HERC1: variants seen among roughly 807,000 people sequenced by gnomAD.
HERC1 encodes HECT and RLD domain containing E3 ubiquitin protein ligase family member 1, also known as probable E3 ubiquitin-protein ligase HERC1.
HERC1 carries 160 observed loss-of-function variants against 554.3 expected under a neutral mutation model. The ratio of observed to expected loss-of-function variants is 0.29; its 90% CI spans 0.25 to 0.33. HERC1 has a LOEUF of 0.33. Ranked by LOEUF, HERC1 falls within the 10% of genes least tolerant of loss-of-function variation. The pLI, the probability that HERC1 is intolerant of heterozygous loss-of-function variation, is 1.00. For missense variants in HERC1, 4,919 were observed against 5,918.5 expected, an observed-to-expected ratio of 0.83 and a Z score of 5.54; for synonymous variants, 2,175 against 2,131.7, an observed-to-expected ratio of 1.02 and a Z score of -0.56.
intron 7 of HERC1, among the ~76,000 whole-genome samples, chr15:63,753,986 C>G (rs2075336171): frequency 6.6e-6 from 1 of 151,922 alleles, no homozygotes; most frequent in African/African-American, 2.4e-5. Context: ...CCAGCCTGGG[C>G]AATAAAGCAA....
rs1340047794 is a variant in HERC1 at position 63,747,758 on chromosome 15, T to A, written c.2320A>T (p.Ser774Cys). Residue 774 changes from serine (S) to cysteine (C), a missense_variant, in exon 11 of 78, where the codon AGT becomes TGT. Physicochemically the swap from Ser to Cys is moderately radical, Grantham distance 112. Coordinates refer to ENST00000443617, the MANE Select transcript of HERC1 (RefSeq NM_003922.4). ...FLERYCDKIN[S>C]EIPPLPFPSS... Reference sequence around the variant, plus strand: ...GGGAAAGGGAGTGGGGGAATCTCACTGTTTATTTTATCACAGTATCTCTCA... The same window carrying A: ...GGGAAAGGGAGTGGGGGAATCTCACAGTTTATTTTATCACAGTATCTCTCA... 1 of 1,550,768 alleles carries A rather than the reference T, an allele frequency of 6.4e-7. No individual in the cohort carries two copies. Among genetic ancestry groups the A allele is most frequent in the Non-Finnish European group, 8.7e-7 (1 of 1,146,236 alleles).
chr15:63,759,821 G>T (rs980191939), intron 3 of HERC1, among the ~76,000 whole-genome samples: 1 of 152,192 alleles, frequency 6.6e-6, no homozygotes, highest in South Asian at 2.1e-4. Context: ...AGAGGATAGG[G>T]TCATCTTGGT....
Position 63,658,551 on chromosome 15 carries a change from A to G in HERC1, c.9592T>C (p.Ser3198Pro), listed in dbSNP as rs746448212. ...ACATAAAATAACACTTACCTGACTG[A>G]GAGAAGAGACAGCGCTCTCATGACC... is the stretch of plus-strand genomic sequence containing the variant. The part of the protein sequence containing the change: ...TMVMRALSLL[S>P]VSGSSCSLAA... The change falls in exon 48 of 78, where the codon TCA (serine) becomes CCA (proline). Residue 3198 changes from serine to proline, a missense_variant. This residue lies in a region of HERC1 where 1,963 missense variants were observed against 2,228.6 expected (regional missense o/e 0.88). Coordinates refer to ENST00000443617, the MANE Select transcript of HERC1 (RefSeq NM_003922.4). The G allele has an allele frequency of 6.2e-7, 1 of 1,609,890 alleles. No individual in the cohort carries two copies. Among genetic ancestry groups the G allele is most frequent in the South Asian group, 1.1e-5 (1 of 90,680 alleles).
chr15:63,792,454 G>A (rs1567132969), intron 1 of HERC1, among the ~76,000 whole-genome samples: 1 of 152,182 alleles, frequency 6.6e-6, no homozygotes, highest in Non-Finnish European at 1.5e-5. Flanking sequence ...ACCCTTTCCA[G>A]ATACAACCCT....
intron 68 of HERC1, among the ~76,000 whole-genome samples, chr15:63,631,529 ATTC>A (rs926176704): frequency 4.0e-5 from 6 of 151,754 alleles, no homozygotes; most frequent in African/African-American, 1.2e-4. Context: ...AGCTCTCCCA[ATTC>A]TTCTTCTTTT....
intron 60 of HERC1, among the ~76,000 whole-genome samples, chr15:63,640,949 C>A (rs1004380653): frequency 6.6e-6 from 1 of 152,202 alleles, no homozygotes; most frequent in Admixed American, 6.5e-5. Context: ...GGAAGACAGG[C>A]TACTTTAGGA....
Position 63,774,885 on chromosome 15 carries a change from C to T in HERC1, c.739G>A (p.Ala247Thr). ...SGADTLGRRLASELLLGLAAQ... is the reference protein window; with the variant it reads ...SGADTLGRRLTSELLLGLAAQ... ...GCCAAACCAAGCAGCAACTCAGAAG[C>T]TAATCTACGACCTAAAGTGTCTGCC... Residue 247 changes from alanine (A) to threonine (T), a missense_variant, in exon 2 of 78, where the codon GCT becomes ACT. By Grantham distance (58) the Ala-to-Thr change is moderately conservative (BLOSUM62 0). This residue lies in a region of HERC1 where 744 missense variants were observed against 1,090.0 expected (regional missense o/e 0.68). Transcript: ENST00000443617. The T allele has an allele frequency of 6.2e-7, 1 of 1,613,982 alleles. No homozygotes were observed. The highest frequency in any genetic ancestry group is 1.1e-5 in the South Asian group (1 of 91,086).
At chr15:63,790,079 T>C (rs1314254865) in intron 1 of HERC1, among the ~76,000 whole-genome samples, 2 of 152,144 alleles carry the variant, frequency 1.3e-5, no homozygotes, top group Non-Finnish European at 2.9e-5. Flanking sequence ...CATGGCTCAA[T>C]TTCCTTATCT....
rs1360928883 is a variant in HERC1, at chr15:63,764,177, A to G, written c.945T>C (p.Asp315=). 1 of 1,608,522 alleles carries G rather than the reference A, an allele frequency of 6.2e-7. No homozygotes were observed. The highest frequency in any genetic ancestry group is 1.1e-5 in the South Asian group (1 of 90,014). ...QMRRSLGSSA[D]RSQWREPTRT... The stretch of plus-strand genomic sequence containing the variant: ...TGGTTGGTTCTCTCCACTGACTCCG[A>G]TCAGCAGATGAACCCTATAATTAAA... Residue 315 remains aspartate, a synonymous_variant, in exon 3 of 78, where the codon GAT becomes GAC. Coordinates refer to ENST00000443617, the MANE Select transcript of HERC1 (RefSeq NM_003922.4).
At chr15:63,713,985 C>A (rs961341075) in intron 22 of HERC1, among the ~76,000 whole-genome samples, 1 of 152,132 alleles carries the variant, frequency 6.6e-6, no homozygotes, top group Non-Finnish European at 1.5e-5. Flanking sequence ...GTACCCACAT[C>A]ATCTGGGCAC....
chr15:63,823,651 C>A (rs1335099583), intron 1 of HERC1, among the ~76,000 whole-genome samples: 3 of 152,118 alleles, frequency 2.0e-5, no homozygotes, highest in Non-Finnish European at 1.5e-5. Context: ...CTAGTGCCAT[C>A]CTACATTGGA....
chr15:63,654,130 G>A lies in HERC1; in HGVS notation c.10279C>T (p.His3427Tyr), dbSNP rs773309582. The change falls in exon 51 of 78, where the codon CAT (histidine) becomes TAT (tyrosine). Residue 3427 changes from histidine to tyrosine, a missense_variant. This residue lies in a region of HERC1 where 1,963 missense variants were observed against 2,228.6 expected (regional missense o/e 0.88). Coordinates refer to ENST00000443617, the MANE Select transcript of HERC1 (RefSeq NM_003922.4). ...CTCAAAATACTTACTCTGTTCTGAT[G>A]AGCCTCCAATTTGATAAAGGAGCAT... ...RKCSFIKLEA[H>Y]QNRVMTCVWC... The A allele has an allele frequency of 3.7e-6, 6 of 1,611,622 alleles. No individual in the cohort carries two copies. Among genetic ancestry groups the A allele is most frequent in the Non-Finnish European group, 5.1e-6 (6 of 1,177,810 alleles).
chr15:63,648,330 G>A, intron 54 of HERC1, 131 bp from the exon 55 acceptor site: 1 of 858,650 alleles, frequency 1.2e-6, no homozygotes, highest in South Asian at 1.9e-5. Context: ...GCTCTTTAAT[G>A]CATTTAGACA....
At position 63,775,792 on chromosome 15, in the gene HERC1, C is replaced by G; in HGVS notation, c.-26-143G>C. On this transcript the variant is annotated intron_variant, in intron 1 of 77. Coordinates refer to ENST00000443617, the MANE Select transcript of HERC1 (RefSeq NM_003922.4). This position sits in a 1 kb window ranked among gnomAD's most constrained non-coding sequence, Gnocchi z 4.0. ...GTGGCTCACGCCTGTAATCCCAACACTTTGGGAGGCCAAAGTGGGCAGATC... is the reference window on the plus strand; with the variant it reads ...GTGGCTCACGCCTGTAATCCCAACAGTTTGGGAGGCCAAAGTGGGCAGATC... 1 of 603,120 alleles carries G rather than the reference C, an allele frequency of 1.7e-6. No individual in the cohort carries two copies. The highest frequency in any genetic ancestry group is 2.8e-6 in the Non-Finnish European group (1 of 353,048). The allele number at this position is 603,120 out of a possible 1,614,324, so 37.4% of individuals were successfully genotyped here.
At chr15:63,779,517 T>C (rs1476607369) in intron 1 of HERC1, 1 of 152,186 alleles carries the variant, frequency 6.6e-6, no homozygotes, top group African/African-American at 2.4e-5. Flanking sequence ...ATACCACTCT[T>C]AGTACAAGAT....
At chr15:63,769,377 G>A (rs2075881556) in intron 2 of HERC1, among the ~76,000 whole-genome samples, 1 of 152,114 alleles carries the variant, frequency 6.6e-6, no homozygotes, top group Non-Finnish European at 1.5e-5. Flanking sequence ...ACGAGATCTT[G>A]CCACTGCACT....
chr15:63,798,288 G>C (rs2076870796), intron 1 of HERC1, among the ~76,000 whole-genome samples: 1 of 152,038 alleles, frequency 6.6e-6, no homozygotes. Flanking sequence ...TACTCCCTTA[G>C]TGAAAACCCC....
At chr15:63,698,386 A>C (rs974641466) in intron 26 of HERC1, among the ~76,000 whole-genome samples, 19 of 147,950 alleles carry the variant, frequency 1.3e-4, no homozygotes, top group Middle Eastern at 6.9e-3. Context: ...CCATTGCACT[A>C]CAGCCTGGGC....
In HERC1 at chr15:63,697,453, T is replaced by G. The variant is rs1173580675; in HGVS notation, c.4906-1114A>C. Among the ~76,000 whole-genome samples, 7 of 104,910 alleles carry G rather than the reference T, an allele frequency of 6.7e-5. 1 individual carries two copies. Among genetic ancestry groups the G allele is most frequent in the African/African-American group, 2.1e-4 (7 of 33,148 alleles). 68.8% of individuals were successfully genotyped at this position (104,910 alleles called of 152,430 possible). On this transcript the variant is annotated intron_variant, in intron 26 of 77. Coordinates refer to ENST00000443617, the MANE Select transcript of HERC1 (RefSeq NM_003922.4). Reference sequence around the variant, plus strand: ...AATACAGGTGATGTTAATCTTGATTTTTTTTTTTTTTTTTTTTTGAGATGG... The same window carrying G: ...AATACAGGTGATGTTAATCTTGATTGTTTTTTTTTTTTTTTTTTGAGATGG...
Sources: allele counts gnomAD v4.1 joint callset (sites outside exome capture counted in the v4.1 genomes callset), GRCh38; gene constraint gnomAD v4.1.1; regional missense constraint gnomAD v4.1.1; non-coding constraint Gnocchi (gnomAD v3.1); transcripts MANE v1.5; gene names NCBI Gene and HGNC (gene_info 2026-07-23, HGNC 2026-07-21).